The following CDC42SE2 variants were observed in gnomAD, a reference collection of about 807,000 sequenced individuals.
The protein encoded by CDC42SE2 is CDC42 small effector 2, also known as CDC42 small effector protein 2.
In CDC42SE2, 3 loss-of-function variants were observed where a neutral mutation model predicts 11.5. That is an observed-to-expected ratio of 0.26 (90% CI 0.12 to 0.67). CDC42SE2 has a LOEUF of 0.67. CDC42SE2 is among the 30% of genes least tolerant of loss of function. The pLI, the probability that CDC42SE2 is intolerant of heterozygous loss-of-function variation, is 0.80. For synonymous variants in CDC42SE2, 33 were observed against 34.8 expected (o/e 0.95, Z 0.18); for missense variants, 82 against 106.8 (o/e 0.77, Z 1.02).
intron 1 of CDC42SE2, among the ~76,000 whole-genome samples, chr5:131,253,790 A>G (rs1756659014): frequency 6.6e-6 from 1 of 152,176 alleles, no homozygotes; most frequent in African/African-American, 2.4e-5. Context: ...TTAAAAAAAG[A>G]ACTTCTTACA....
intron 1 of CDC42SE2, among the ~76,000 whole-genome samples, chr5:131,315,227 A>T (rs1288344605): frequency 6.6e-6 from 1 of 152,148 alleles, no homozygotes; most frequent in Non-Finnish European, 1.5e-5. Context: ...GGACGCTTTT[A>T]GATGAACTAT....
At chr5:131,381,427 G>C (rs757757456) in intron 3 of CDC42SE2, among the ~76,000 whole-genome samples, 5 of 151,740 alleles carry the variant, frequency 3.3e-5, no homozygotes, top group Non-Finnish European at 7.4e-5. Context: ...GGGTTCAAAC[G>C]ATTCTCCTGT....
the CDC42SE2 span, among the ~76,000 whole-genome samples, chr5:131,225,654 T>C: frequency 6.6e-6 from 1 of 152,292 alleles, no homozygotes; most frequent in East Asian, 1.9e-4. Context: ...CTTCCCTGCC[T>C]GAGAAAGTCA....
intron 2 of CDC42SE2, among the ~76,000 whole-genome samples, chr5:131,331,229 G>A (rs527277926): frequency 1.1e-4 from 16 of 152,030 alleles, no homozygotes; most frequent in South Asian, 8.3e-4. Context: ...GAAATTCTAC[G>A]TACTATATAT....
At chr5:131,377,461 G>A (rs1256741544) in intron 3 of CDC42SE2, among the ~76,000 whole-genome samples, 2 of 152,114 alleles carry the variant, frequency 1.3e-5, no homozygotes, top group Admixed American at 1.3e-4. Flanking sequence ...GAGCCACCAC[G>A]CCTGGCCTGA....
At position 131,273,784 on chromosome 5, in the gene CDC42SE2, GT is replaced by G. The variant is rs796965196; in HGVS notation, c.-455+9627del. On this transcript the variant is annotated intron_variant, in intron 1 of 4. Transcript: ENST00000505065. ...CTCCGTCTCAAAAAAAAAAAAAAAAGTTTTTTTTTCTTGAGGCAGGGCCTTG... is the reference window on the plus strand; with the variant it reads ...CTCCGTCTCAAAAAAAAAAAAAAAAGTTTTTTTTCTTGAGGCAGGGCCTTG... Among the ~76,000 whole-genome samples, 24 of 145,886 alleles carry G rather than the reference GT, an allele frequency of 1.6e-4. No homozygotes were observed. The South Asian group carries it at 1.9e-3, about 12-fold the overall frequency.
chr5:131,281,368 A>G (rs556181975), intron 1 of CDC42SE2, among the ~76,000 whole-genome samples: 80 of 152,322 alleles, frequency 5.3e-4, no homozygotes, highest in South Asian at 1.9e-3. Flanking sequence ...CTACTGAGAA[A>G]TGATGCATTT....
chr5:131,241,812 C>A (rs1318616852), upstream of CDC42SE2, among the ~76,000 whole-genome samples: 1 of 151,904 alleles, frequency 6.6e-6, no homozygotes, highest in African/African-American at 2.4e-5. Flanking sequence ...TGACCACCAC[C>A]TTATTTAAAA....
At chr5:131,258,343 A>G (rs1756694771) in intron 2 of CDC42SE2, among the ~76,000 whole-genome samples, 1 of 151,160 alleles carries the variant, frequency 6.6e-6, no homozygotes, top group Admixed American at 6.6e-5. Flanking sequence ...GGAAACTTGT[A>G]TTACTACCAT....
intron 3 of CDC42SE2, among the ~76,000 whole-genome samples, chr5:131,365,796 T>C (rs906271484): frequency 1.5e-4 from 23 of 152,174 alleles, no homozygotes; most frequent in Admixed American, 8.5e-4. Flanking sequence ...TCCTGGCTAA[T>C]GTGGTGAAAC....
intron 1 of CDC42SE2, among the ~76,000 whole-genome samples, chr5:131,291,566 C>T (rs1179281861): frequency 6.6e-6 from 1 of 152,044 alleles, no homozygotes; most frequent in Non-Finnish European, 1.5e-5. Context: ...GTCCAGCATG[C>T]TCCTTTTTCT....
In CDC42SE2 at chr5:131,310,108, A is replaced by G. The variant is rs1757870609; in HGVS notation, c.-454-5868A>G. ...TAGTGCTATAAATTTCCTTCTACAC[A>G]CTGCTTTGAATGTGTCCCAGAGATT... On this transcript the variant is annotated intron_variant, in intron 1 of 4. Transcript: ENST00000505065. 1.3e-5 allele frequency among the ~76,000 whole-genome samples: 2 copies of G among 150,538 alleles called. 1 individual carries two copies. Among genetic ancestry groups the G allele is most frequent in the South Asian group, 4.3e-4 (2 of 4,684 alleles).
intron 2 of CDC42SE2, among the ~76,000 whole-genome samples, chr5:131,357,783 T>G (rs1237002372): frequency 2.0e-5 from 3 of 152,242 alleles, no homozygotes; most frequent in Non-Finnish European, 4.4e-5. Flanking sequence ...TGTCTACACT[T>G]GTTGACTCTG....
chr5:131,241,939 G>A (rs922791076), upstream of CDC42SE2, among the ~76,000 whole-genome samples: 3 of 152,192 alleles, frequency 2.0e-5, no homozygotes, highest in Middle Eastern at 3.4e-3. Flanking sequence ...ATGCAAGATT[G>A]TATATATAAA....
At chr5:131,264,844 T>C (rs1004252408) in intron 1 of CDC42SE2, among the ~76,000 whole-genome samples, 6 of 152,282 alleles carry the variant, frequency 3.9e-5, no homozygotes, top group Non-Finnish European at 2.9e-5. Context: ...CCCGATCCGC[T>C]GACTTCACTA....
intron 2 of CDC42SE2, among the ~76,000 whole-genome samples, chr5:131,334,161 T>A (rs1380687230): frequency 6.6e-6 from 1 of 152,074 alleles, no homozygotes; most frequent in African/African-American, 2.4e-5. Flanking sequence ...TTATTGAGAG[T>A]TTTTAGCATG....
At chr5:131,222,845 A>G in the CDC42SE2 span, among the ~76,000 whole-genome samples, 3 of 152,210 alleles carry the variant, frequency 2.0e-5, no homozygotes, top group African/African-American at 4.8e-5. Flanking sequence ...CACAATGACA[A>G]TATCATTTGC....
chr5:131,310,912 C>T (rs1395168640), intron 1 of CDC42SE2, among the ~76,000 whole-genome samples: 1 of 151,736 alleles, frequency 6.6e-6, no homozygotes, highest in Non-Finnish European at 1.5e-5. Flanking sequence ...GCCAGTCTGT[C>T]TTTTAATTGG....
the CDC42SE2 span, among the ~76,000 whole-genome samples, chr5:131,211,736 C>G: frequency 1.2e-4 from 18 of 152,242 alleles, no homozygotes; most frequent in South Asian, 2.7e-3. Flanking sequence ...AATCCCAGAA[C>G]TTTTGGAGGA....
Sources: allele counts gnomAD v4.1 joint callset (sites outside exome capture counted in the v4.1 genomes callset), GRCh38; gene constraint gnomAD v4.1.1; transcripts MANE v1.5; gene names NCBI Gene and HGNC (gene_info 2026-07-23, HGNC 2026-07-21).